The following PTPRZ1 variants were observed in gnomAD, a reference collection of about 807,000 sequenced individuals.
The protein encoded by PTPRZ1 is receptor-type tyrosine-protein phosphatase zeta.
A neutral mutation model predicts 214.1 loss-of-function variants in PTPRZ1; 82 were observed. The ratio of observed to expected loss-of-function variants is 0.38; its 90% CI spans 0.32 to 0.46. The LOEUF (loss-of-function observed/expected upper bound fraction) is 0.46, where lower values mean the gene tolerates loss of function less well. Among genes scored for constraint, PTPRZ1 ranks in the 20% least tolerant of loss-of-function variants. The pLI, the probability that PTPRZ1 is intolerant of heterozygous loss-of-function variation, is 1.00. For missense variants in PTPRZ1, 2,603 were observed against 2,748.7 expected (o/e 0.95, Z 1.19); for synonymous variants, 945 against 987.9 (o/e 0.96, Z 0.81).
At chr7:121,921,185 A>G (rs59554175) in intron 1 of PTPRZ1, among the ~76,000 whole-genome samples, 1 of 152,182 alleles carries the variant, frequency 6.6e-6, no homozygotes, top group African/African-American at 2.4e-5. Flanking sequence ...GATAAATTAC[A>G]TTAGCTTAAA....
chr7:122,042,372 T>G (rs1037901052), intron 21 of PTPRZ1, among the ~76,000 whole-genome samples: 2 of 152,236 alleles, frequency 1.3e-5, no homozygotes, highest in Non-Finnish European at 2.9e-5. Context: ...ATAGTGAGGT[T>G]GTTTTGCAAT....
Position 121,887,130 on chromosome 7 carries a change from C to T in PTPRZ1, c.58+13573C>T, listed in dbSNP as rs562753912. ...ATCTCACCCATGATGGCACAGCACTCACATTGCGTGTCTGTTGTTTCCATG... is the reference window on the plus strand; with the variant it reads ...ATCTCACCCATGATGGCACAGCACTTACATTGCGTGTCTGTTGTTTCCATG... On this transcript the variant is annotated intron_variant, in intron 1 of 29. Transcript: ENST00000393386. Among the ~76,000 whole-genome samples the T allele has an allele frequency of 1.4e-4, 22 of 152,262 alleles. No homozygotes were observed. The South Asian group carries it at 4.6e-3, about 32-fold the overall frequency.
chr7:122,060,615 T>C (rs1057357995), intron 29 of PTPRZ1, among the ~76,000 whole-genome samples: 1 of 152,196 alleles, frequency 6.6e-6, no homozygotes, highest in Non-Finnish European at 1.5e-5. Flanking sequence ...TTCTTATTGG[T>C]GAACAGTGAA....
intron 20 of PTPRZ1, 93 bp downstream of exon 20, chr7:122,039,681 G>A (rs1056955765): frequency 1.4e-6 from 2 of 1,458,342 alleles, no homozygotes; most frequent in African/African-American, 1.4e-5. Context: ...AGGGTAAAAA[G>A]CATATAACTA....
intron 2 of PTPRZ1, among the ~76,000 whole-genome samples, chr7:121,935,750 A>G (rs577510804): frequency 2.4e-4 from 37 of 151,928 alleles, no homozygotes; most frequent in African/African-American, 8.9e-4. Flanking sequence ...TTGTATTTTT[A>G]GTAGAGATGG....
intron 1 of PTPRZ1, among the ~76,000 whole-genome samples, chr7:121,899,352 AC>A (rs1427819415): frequency 1.3e-5 from 2 of 152,184 alleles, no homozygotes; most frequent in African/African-American, 4.8e-5. Flanking sequence ...TCTCTCAAGT[AC>A]ATTTTCTGTA....
At chr7:122,060,151 G>A (rs538019823) in intron 29 of PTPRZ1, among the ~76,000 whole-genome samples, 1 of 152,270 alleles carries the variant, frequency 6.6e-6, no homozygotes, top group South Asian at 2.1e-4. Flanking sequence ...TTAGGTGAAT[G>A]TAGAAGTCAT....
At chr7:121,987,717 G>A (rs1403333139) in intron 8 of PTPRZ1, among the ~76,000 whole-genome samples, 1 of 152,120 alleles carries the variant, frequency 6.6e-6, no homozygotes, top group East Asian at 1.9e-4. Flanking sequence ...TCTAAGAAGT[G>A]ACATATGCAC....
chr7:121,897,168 A>G (rs557294932), intron 1 of PTPRZ1, among the ~76,000 whole-genome samples: 6 of 152,242 alleles, frequency 3.9e-5, no homozygotes, highest in African/African-American at 1.2e-4. Flanking sequence ...TCTTGTTATT[A>G]TTGGTCTTTT....
At chr7:121,915,097 A>C (rs564968957) in intron 1 of PTPRZ1, among the ~76,000 whole-genome samples, 1 of 152,196 alleles carries the variant, frequency 6.6e-6, no homozygotes, top group South Asian at 2.1e-4. Flanking sequence ...CTGCACACAT[A>C]CTTCTGAATG....
chr7:122,047,754 T>A (rs1792045146), intron 23 of PTPRZ1, among the ~76,000 whole-genome samples: 1 of 151,800 alleles, frequency 6.6e-6, no homozygotes, highest in African/African-American at 2.4e-5. Flanking sequence ...GCTTAACTGA[T>A]CCTCCTACCT....
chr7:121,942,149 A>G (rs1157287514), intron 2 of PTPRZ1, among the ~76,000 whole-genome samples: 1 of 152,214 alleles, frequency 6.6e-6, no homozygotes, highest in African/African-American at 2.4e-5. Context: ...AGTCAGAACA[A>G]TTGTGCAGGT....
At chr7:121,964,559 T>C (rs1584689142) in intron 2 of PTPRZ1, among the ~76,000 whole-genome samples, 1 of 151,926 alleles carries the variant, frequency 6.6e-6, no homozygotes, top group Admixed American at 6.6e-5. Flanking sequence ...GAGATTTGGG[T>C]GGGGACACAG....
chr7:121,901,820 C>T (rs1165490940), intron 1 of PTPRZ1, among the ~76,000 whole-genome samples: 1 of 151,966 alleles, frequency 6.6e-6, no homozygotes, highest in Non-Finnish European at 1.5e-5. Context: ...CTTAGCATAC[C>T]CACCACCTCA....
rs747678780 is a variant in PTPRZ1 at position 121,996,417 on chromosome 7, C to G, written c.964C>G (p.Pro322Ala). The change falls in exon 9 of 30, where the codon CCA becomes GCA. Residue 322 changes from proline (P) to alanine (A), a missense_variant. Coordinates refer to ENST00000393386, the MANE Select transcript of PTPRZ1 (RefSeq NM_002851.3). ...SSEPENVQAD[P>A]ENYTSLLVTW... is the part of the protein sequence containing the mutation. ...AGAACCAGAAAATGTTCAGGCTGAC[C>G]CAGAGAATTATACCAGCCTTCTTGT... 3.1e-6 allele frequency: 5 copies of G among 1,607,444 alleles called. No homozygotes were observed. The highest frequency in any genetic ancestry group is 4.3e-6 in the Non-Finnish European group (5 of 1,176,322).
At chr7:122,044,591 TG>T (rs1562879711) in intron 23 of PTPRZ1, 23 bp downstream of exon 23, 1 of 1,610,086 alleles carries the variant, frequency 6.2e-7, no homozygotes, top group Admixed American at 1.7e-5. Flanking sequence ...GGAAGCCTCT[TG>T]GATGTCACTA....
chr7:121,941,830 A>G (rs116256929), intron 2 of PTPRZ1, among the ~76,000 whole-genome samples: 1,848 of 152,310 alleles, frequency 0.012, 33 homozygotes, highest in African/African-American at 0.04. Context: ...TTAATCACCT[A>G]TGTCCTTAAG....
In PTPRZ1 at chr7:122,013,073, T is replaced by C. The variant is rs187841976; in HGVS notation, c.4027T>C (p.Ser1343Pro). Residue 1343 changes from serine to proline, a missense_variant, in exon 12 of 30, where the codon TCT becomes CCT. Ser to Pro is a moderately conservative substitution (Grantham distance 74). Coordinates refer to ENST00000393386, the MANE Select transcript of PTPRZ1 (RefSeq NM_002851.3). ...TGAAATTTTAACCTCCACCAAAAGT[T>C]CTGTTACTGGTAAGGTATTTGCTGG... The part of the protein sequence containing the change: ...SDEILTSTKS[S>P]VTGKVFAGIP... 1 of 1,613,534 alleles carries C rather than the reference T, an allele frequency of 6.2e-7. No homozygotes were observed. Among genetic ancestry groups the C allele is most frequent in the East Asian group, 2.2e-5 (1 of 44,884 alleles).
intron 13 of PTPRZ1, among the ~76,000 whole-genome samples, chr7:122,022,474 TC>T (rs1337624914): frequency 1.3e-5 from 2 of 152,112 alleles, no homozygotes; most frequent in Non-Finnish European, 1.5e-5. Context: ...AGGAAGAAGC[TC>T]CCCGTACAGA....
Sources: gnomAD v4.1 joint callset for allele counts (sites outside exome capture counted in the v4.1 genomes callset) on GRCh38, gnomAD v4.1.1 for gene constraint, MANE v1.5 for transcripts, NCBI Gene and HGNC (gene_info 2026-07-23, HGNC 2026-07-21) for gene names.